GRK7: variants seen among roughly 807,000 people sequenced by gnomAD.
The protein encoded by GRK7 is G protein-coupled receptor kinase 7.
GRK7 carries 24 observed loss-of-function variants against 34.1 expected under a neutral mutation model. The observed-to-expected ratio is 0.70, with a 90% CI of 0.51 to 0.99. The LOEUF (loss-of-function observed/expected upper bound fraction) is 0.99. GRK7 is among the 50% of genes least tolerant of loss of function. The probability of loss-of-function intolerance (pLI) is 0.00; values close to 1 mark genes in which losing one functional copy is unlikely to be tolerated. For synonymous variants in GRK7, 256 were observed against 279.4 expected (o/e 0.92, Z 0.84); for missense variants, 644 against 707.3 (o/e 0.91, Z 1.02).
chr3:141,789,656 C>CAAAAAA (rs60765509), intron 4 of GRK7, among the ~76,000 whole-genome samples: 3,024 of 119,046 alleles, frequency 0.025, 95 homozygotes, highest in East Asian at 0.055. Context: ...GCCAAATGGG[C>CAAAAAA]AAAAAAAAAA....
In GRK7 at chr3:141,808,012, TAAG is replaced by T. The variant is rs1577926759; in HGVS notation, c.1325+94_1325+96del. ...TTGATTTGTGGCAAAGTCTTGGAAT[TAAG>T]TATTATGATTTTCTTATTTTTATTT... On this transcript the variant is annotated intron_variant, in intron 5 of 5. Transcript: ENST00000682958. The T allele has an allele frequency of 6.9e-6, 8 of 1,158,558 alleles. No homozygotes were observed. The East Asian group carries it at 2.0e-4, about 29-fold the overall frequency. The allele number at this position is 1,158,558 out of a possible 1,614,324, so 71.8% of individuals were successfully genotyped here. A position where few individuals can be genotyped will look rare whatever the true frequency, so the allele number is the denominator to read the frequency against.
At chr3:141,753,947 T>C in the GRK7 span, among the ~76,000 whole-genome samples, 5 of 152,260 alleles carry the variant, frequency 3.3e-5, no homozygotes, top group Non-Finnish European at 5.9e-5. Context: ...GCCCTTCTGC[T>C]CATGCAGAAG....
At chr3:141,799,728 T>C (rs1011878969) in intron 4 of GRK7, among the ~76,000 whole-genome samples, 1 of 152,240 alleles carries the variant, frequency 6.6e-6, no homozygotes, top group East Asian at 1.9e-4. Flanking sequence ...TCTCATAGGG[T>C]TACTATGGAG....
At chr3:141,804,696 C>G (rs57180064) in intron 4 of GRK7, among the ~76,000 whole-genome samples, 4 of 151,620 alleles carry the variant, frequency 2.6e-5, no homozygotes, top group Non-Finnish European at 5.9e-5. Flanking sequence ...CACACATGCT[C>G]TCATATACAC....
chr3:141,782,210 A>C (rs993941866), intron 4 of GRK7, among the ~76,000 whole-genome samples: 45 of 152,340 alleles, frequency 3.0e-4, no homozygotes, highest in African/African-American at 9.9e-4. Context: ...AGGTGGGGAC[A>C]TCAGTTAGGA....
chr3:141,774,530 A>ACTT (rs1169253700), intron 1 of GRK7, among the ~76,000 whole-genome samples, 50 bp from the exon 2 acceptor site: 9 of 152,206 alleles, frequency 5.9e-5, no homozygotes, highest in Non-Finnish European at 1.3e-4. Flanking sequence ...GTTTTTCCCC[A>ACTT]GTGATAAGCT....
At chr3:141,796,457 C>T (rs1466121670) in intron 4 of GRK7, among the ~76,000 whole-genome samples, 1 of 152,196 alleles carries the variant, frequency 6.6e-6, no homozygotes, top group Non-Finnish European at 1.5e-5. Flanking sequence ...TCACAATCCC[C>T]GCTGTTGCAA....
the GRK7 span, among the ~76,000 whole-genome samples, chr3:141,754,453 G>A: frequency 7.9e-5 from 3 of 37,838 alleles, no homozygotes; most frequent in South Asian, 1.8e-3. Flanking sequence ...TTTTTTTTTT[G>A]AGACAGGGTC....
At chr3:141,811,532 T>C (rs1711092225) in intron 5 of GRK7, among the ~76,000 whole-genome samples, 1 of 152,210 alleles carries the variant, frequency 6.6e-6, no homozygotes. Context: ...TGTGACTGTT[T>C]TGAATAAGAC....
Position 141,818,071 on chromosome 3 carries a change from C to T in GRK7, c.*1021C>T, listed in dbSNP as rs1177071578. On this transcript the variant is annotated 3_prime_UTR_variant, in exon 6 of 6. Transcript: ENST00000682958. ...TAATTGCAGTATAAATGAAACAAGA[C>T]AGTCTATTCATCTTATGGCTTCTCT... 2 of 152,194 alleles carry T rather than the reference C, an allele frequency of 1.3e-5. No homozygotes were observed. Among genetic ancestry groups the T allele is most frequent in the Non-Finnish European group, 2.9e-5 (2 of 68,046 alleles). 9.4% of individuals were successfully genotyped at this position (152,194 alleles called of 1,614,324 possible). A position where few individuals can be genotyped will look rare whatever the true frequency, so the allele number is the denominator to read the frequency against.
chr3:141,768,426 C>A (rs944288003), intron 1 of GRK7, among the ~76,000 whole-genome samples: 1 of 152,000 alleles, frequency 6.6e-6, no homozygotes, highest in Non-Finnish European at 1.5e-5. Context: ...TACAGGCACC[C>A]ACCACCACAC....
In GRK7 at chr3:141,772,475, A is replaced by G. The variant is rs372053974; in HGVS notation, c.-214-2105A>G. ...ATAGCTTCTCTGTGTTTCTAAGACC[A>G]TATAGCACTGCACTATATTACTTCC... is the stretch of plus-strand genomic sequence containing the variant. On this transcript the variant is annotated intron_variant, in intron 1 of 5. Transcript: ENST00000682958. Among the ~76,000 whole-genome samples the G allele has an allele frequency of 3.3e-5, 5 of 152,372 alleles. No homozygotes were observed. The East Asian group carries it at 7.7e-4, about 23-fold the overall frequency.
intron 2 of GRK7, among the ~76,000 whole-genome samples, chr3:141,777,146 C>T (rs573399039): frequency 4.9e-4 from 74 of 152,134 alleles, no homozygotes; most frequent in Admixed American, 1.3e-3. Context: ...TTAGATTGTG[C>T]CCTTGGAACA....
intron 4 of GRK7, among the ~76,000 whole-genome samples, chr3:141,787,047 G>A (rs1401510473): frequency 6.6e-6 from 1 of 152,158 alleles, no homozygotes; most frequent in African/African-American, 2.4e-5. Flanking sequence ...TACAGCCAGA[G>A]TGAACTGAAT....
At chr3:141,795,053 G>A (rs1352552977) in intron 4 of GRK7, among the ~76,000 whole-genome samples, 1 of 152,152 alleles carries the variant, frequency 6.6e-6, no homozygotes, top group Non-Finnish European at 1.5e-5. Context: ...TGGGTACATA[G>A]GAAGGGCACC....
chr3:141,769,009 C>T (rs2084603568), intron 1 of GRK7, among the ~76,000 whole-genome samples: 1 of 152,204 alleles, frequency 6.6e-6, no homozygotes, highest in African/African-American at 2.4e-5. Flanking sequence ...TCTCTCTCCC[C>T]AGGTGGGTTC....
intron 4 of GRK7, among the ~76,000 whole-genome samples, chr3:141,803,164 C>T (rs540619018): frequency 9.1e-4 from 138 of 151,810 alleles, no homozygotes; most frequent in African/African-American, 1.5e-3. Flanking sequence ...CAGTGGCTCA[C>T]GCCTGTAATC....
intron 4 of GRK7, among the ~76,000 whole-genome samples, chr3:141,803,619 A>G (rs1319616831): frequency 1.3e-5 from 2 of 152,310 alleles, no homozygotes; most frequent in Admixed American, 1.3e-4. Flanking sequence ...GACACCCTGT[A>G]TAAATGGAAT....
chr3:141,770,994 C>CAAA (rs55988355), intron 1 of GRK7, among the ~76,000 whole-genome samples: 8 of 84,738 alleles, frequency 9.4e-5, no homozygotes, highest in East Asian at 3.2e-4. Flanking sequence ...TACCCAGTCT[C>CAAA]AAAAAAAAAA....
Sources: allele counts gnomAD v4.1 joint callset (sites outside exome capture counted in the v4.1 genomes callset), GRCh38; gene constraint gnomAD v4.1.1; transcripts MANE v1.5; gene names NCBI Gene and HGNC (gene_info 2026-07-23, HGNC 2026-07-21).